SP140: variants seen among roughly 807,000 people sequenced by gnomAD.
SP140 encodes SP140 nuclear body protein.
Under a neutral mutation model 125.0 loss-of-function variants are expected in SP140, and 81 were observed. The ratio of observed to expected loss-of-function variants is 0.65; its 90% CI spans 0.54 to 0.78. The LOEUF (loss-of-function observed/expected upper bound fraction) is 0.78. Among genes scored for constraint, SP140 ranks in the 30% least tolerant of loss-of-function variants. SP140 has a pLI of 0.00. For synonymous variants in SP140, 312 were observed against 354.0 expected (o/e 0.88, Z 1.33); for missense variants, 858 against 1,037.0 (o/e 0.83, Z 2.37).
chr2:230,287,903 G>T lies in SP140; in HGVS notation c.1657G>T (p.Gly553Cys). 1.2e-6 allele frequency: 2 copies of T among 1,611,800 alleles called. No homozygotes were observed. The highest frequency in any genetic ancestry group is 1.7e-6 in the Non-Finnish European group (2 of 1,179,626). The change falls in exon 18 of 27, where the codon GGC becomes TGC. Residue 553 changes from glycine (G) to cysteine (C), a missense_variant. Gly to Cys is a radical substitution (Grantham distance 159). Coordinates refer to ENST00000392045, the MANE Select transcript of SP140 (RefSeq NM_007237.5). ...TTCTACTTTCTCAGGGAGAAAGAGA[G>T]GCAAACCTGGAACCCGCTTCACTCA... ...DLSKIRGRKR[G>C]KPGTRFTQSD...
intron 15 of SP140, among the ~76,000 whole-genome samples, chr2:230,276,511 G>T (rs2054732947): frequency 6.6e-6 from 1 of 152,142 alleles, no homozygotes; most frequent in Non-Finnish European, 1.5e-5. Flanking sequence ...CATTGACAGT[G>T]CACCTAGTCA....
At chr2:230,305,864 A>G (rs1165431079) in intron 22 of SP140, among the ~76,000 whole-genome samples, 1 of 152,234 alleles carries the variant, frequency 6.6e-6, no homozygotes. Flanking sequence ...GCCCCGAGTT[A>G]GAGTGACTGC....
chr2:230,281,949 A>G (rs958416651), intron 15 of SP140, among the ~76,000 whole-genome samples: 19 of 152,162 alleles, frequency 1.2e-4, no homozygotes, highest in African/African-American at 4.1e-4. Context: ...TAGATGCATC[A>G]GTTCTTTCCC....
chr2:230,310,150 C>T (rs773573561), intron 23 of SP140, 111 bp downstream of exon 23: 3 of 1,019,952 alleles, frequency 2.9e-6, no homozygotes, highest in Non-Finnish European at 4.4e-6. Flanking sequence ...AGAGCAGGTT[C>T]ATCGGGTACT....
At chr2:230,272,703 A>C (rs1170264635) in intron 15 of SP140, among the ~76,000 whole-genome samples, 1 of 152,026 alleles carries the variant, frequency 6.6e-6, no homozygotes, top group Non-Finnish European at 1.5e-5. Context: ...AAAACAGACT[A>C]ATACAGTAAC....
At chr2:230,268,234 A>G (rs2053414229) in intron 12 of SP140, among the ~76,000 whole-genome samples, 1 of 151,920 alleles carries the variant, frequency 6.6e-6, no homozygotes. Context: ...TTAAAAATAG[A>G]CAGAAGAGGC....
At chr2:230,215,873 C>T (rs1293537595) in intron 3 of SP140, among the ~76,000 whole-genome samples, 1 of 152,062 alleles carries the variant, frequency 6.6e-6, no homozygotes, top group Non-Finnish European at 1.5e-5. Flanking sequence ...TGCTATGGAA[C>T]TGAATAACTA....
At position 230,234,521 on chromosome 2, in the gene SP140, A is replaced by G. The variant is rs375005197; in HGVS notation, c.60-2562A>G. On this transcript the variant is annotated intron_variant, in intron 1 of 26. Coordinates refer to ENST00000392045, the MANE Select transcript of SP140 (RefSeq NM_007237.5). The stretch of plus-strand genomic sequence containing the variant: ...CATTGAATAAGGTATACATTTTTCC[A>G]TTTTAATTTTTTTGGACCCATTCTC... Among the ~76,000 whole-genome samples the G allele has an allele frequency of 3.9e-5, 6 of 152,338 alleles. No homozygotes were observed. The East Asian group carries it at 5.8e-4, about 15-fold the overall frequency.
intron 12 of SP140, among the ~76,000 whole-genome samples, chr2:230,265,482 T>G (rs1318080751): frequency 5.3e-5 from 8 of 152,132 alleles, no homozygotes; most frequent in African/African-American, 1.9e-4. Flanking sequence ...CTCACCCTGT[T>G]CAAATTGTTA....
intron 11 of SP140, 83 bp from the exon 12 acceptor site, chr2:230,255,369 C>G: frequency 6.6e-7 from 1 of 1,516,630 alleles, no homozygotes; most frequent in African/African-American, 1.4e-5. Context: ...CTTCAGCTTT[C>G]CACATCTTCA....
chr2:230,256,648 G>A (rs565164212), intron 12 of SP140, among the ~76,000 whole-genome samples: 33 of 152,220 alleles, frequency 2.2e-4, no homozygotes, highest in African/African-American at 7.0e-4. Flanking sequence ...TTGTGCACAT[G>A]TACCCTAAAA....
chr2:230,312,018 G>A (rs1266929829), intron 26 of SP140, among the ~76,000 whole-genome samples: 21 of 152,192 alleles, frequency 1.4e-4, no homozygotes, highest in Non-Finnish European at 2.9e-4. Flanking sequence ...AGGAGTAGAA[G>A]TGACAGAGAA....
intron 22 of SP140, among the ~76,000 whole-genome samples, chr2:230,297,727 C>T (rs2057885302): frequency 6.6e-6 from 1 of 152,188 alleles, no homozygotes; most frequent in African/African-American, 2.4e-5. Context: ...AGGCTGAGCT[C>T]CAGACCACTG....
chr2:230,250,998 T>C lies in SP140; in HGVS notation c.994T>C (p.Ser332Pro), dbSNP rs1190207459. 2.5e-6 allele frequency: 4 copies of C among 1,613,776 alleles called. No individual in the cohort carries two copies. The highest frequency in any genetic ancestry group is 3.4e-6 in the Non-Finnish European group (4 of 1,179,814). ...GEGEEGSDDC[S>P]EMCDGEEPQE... ...TTCTGCAGAGGGCAGTGATGACTGT[T>C]CAGAAATGTGTGATGGAGAAGAGCC... The change falls in exon 10 of 27, where the codon TCA becomes CCA. Residue 332 changes from serine to proline, a missense_variant. Ser to Pro is a moderately conservative substitution (Grantham distance 74). Around this residue, in one of 4 missense-constraint regions of SP140, gnomAD observed 791 missense variants for 869.5 expected, o/e 0.91. Coordinates refer to ENST00000392045, the MANE Select transcript of SP140 (RefSeq NM_007237.5).
At chr2:230,225,400 C>T, upstream of SP140, 1 of 282,504 alleles carries the variant, frequency 3.5e-6, no homozygotes, top group Admixed American at 5.0e-5. Context: ...AGCCCAGGCT[C>T]ACTAAGGTGC....
At chr2:230,189,156 C>A in the SP140 span, among the ~76,000 whole-genome samples, 1 of 152,028 alleles carries the variant, frequency 6.6e-6, no homozygotes, top group Admixed American at 6.6e-5. Flanking sequence ...AAAGAACCAG[C>A]TTTTTGTTTA....
intron 7 of SP140, among the ~76,000 whole-genome samples, chr2:230,246,610 A>C (rs1176157948): frequency 6.6e-6 from 1 of 152,228 alleles, no homozygotes; most frequent in Admixed American, 6.5e-5. Context: ...GAGGCCTTTG[A>C]TACTATGGCA....
chr2:230,202,900 T>C, upstream of SP140: 3 of 662,748 alleles, frequency 4.5e-6, no homozygotes, highest in Non-Finnish European at 8.0e-6. Context: ...TCCTTCTTCT[T>C]ATGTGTACCT....
At chr2:230,247,181 A>G (rs1430404682) in intron 7 of SP140, among the ~76,000 whole-genome samples, 1 of 152,196 alleles carries the variant, frequency 6.6e-6, no homozygotes, top group East Asian at 1.9e-4. Flanking sequence ...TTCTAAGTTC[A>G]TTCATCTGAG....
Sources: gnomAD v4.1 joint callset for allele counts (sites outside exome capture counted in the v4.1 genomes callset) on GRCh38, gnomAD v4.1.1 for gene constraint, gnomAD v4.1.1 regional missense constraint, MANE v1.5 for transcripts, NCBI Gene and HGNC (gene_info 2026-07-23, HGNC 2026-07-21) for gene names.